The following ADAMTS18 variants were observed in gnomAD, a reference collection of about 807,000 sequenced individuals.
The protein encoded by ADAMTS18 is ADAM metallopeptidase with thrombospondin type 1 motif 18.
Under a neutral mutation model 165.9 loss-of-function variants are expected in ADAMTS18, and 157 were observed. The ratio of observed to expected loss-of-function variants is 0.95; its 90% CI spans 0.83 to 1.08. The LOEUF is 1.08. Ranked by LOEUF, ADAMTS18 falls within the 50% of genes least tolerant of loss-of-function variation. ADAMTS18 has a pLI of 0.00. For missense variants in ADAMTS18, 2,040 were observed against 1,534.0 expected (o/e 1.33, Z -5.51); for synonymous variants, 782 against 578.2 (o/e 1.35, Z -5.06).
rs1185905193 is a variant in ADAMTS18, at chr16:77,362,138, A to C, written c.1183T>G (p.Cys395Gly). The C allele has an allele frequency of 6.2e-7, 1 of 1,614,104 alleles. No homozygotes were observed. The highest frequency in any genetic ancestry group is 8.5e-7 in the Non-Finnish European group (1 of 1,180,008). The change falls in exon 7 of 23, where the codon TGT becomes GGT. Residue 395 changes from cysteine to glycine, a missense_variant. Cys to Gly is a radical substitution (Grantham distance 159). Coordinates refer to ENST00000282849, the MANE Select transcript of ADAMTS18 (RefSeq NM_199355.4). ...TCACATGGTTCATTCTTCCAAGAAC[A>C]AATATCAAATCCTGTTAGTAAGATG... The part of the protein sequence containing the change: ...HAILLTGFDI[C>G]SWKNEPCDTL...
chr16:77,314,649 G>GTGTGTGTGTGTATA (rs10527824), intron 16 of ADAMTS18, among the ~76,000 whole-genome samples: 1,495 of 126,458 alleles, frequency 0.012, 42 homozygotes, highest in African/African-American at 0.044. Flanking sequence ...GTGTGTGTGT[G>GTGTGTGTGTGTATA]TATATATATA....
At chr16:77,309,939 G>A (rs2055750019) in intron 16 of ADAMTS18, among the ~76,000 whole-genome samples, 1 of 152,138 alleles carries the variant, frequency 6.6e-6, no homozygotes, top group African/African-American at 2.4e-5. Context: ...TGCATTTTAG[G>A]AGATCAAATT....
intron 16 of ADAMTS18, among the ~76,000 whole-genome samples, chr16:77,311,772 C>A (rs545967241): frequency 2.7e-5 from 4 of 149,724 alleles, no homozygotes; most frequent in South Asian, 2.1e-4. Context: ...AAAATACAAG[C>A]AAGGCACGTC....
chr16:77,286,720 G>A lies in ADAMTS18; in HGVS notation c.3550+2544C>T, dbSNP rs547368186. ...GGATTCCATGAGGAGCAGCTTATTA[G>A]TATTGAGTGCCTGCTCATCCTTAAC... is the stretch of plus-strand genomic sequence containing the variant. On this transcript the variant is annotated intron_variant, in intron 22 of 22. Coordinates refer to ENST00000282849, the MANE Select transcript of ADAMTS18 (RefSeq NM_199355.4). Among the ~76,000 whole-genome samples the A allele has an allele frequency of 7.9e-5, 12 of 152,230 alleles. No individual in the cohort carries two copies. In the South Asian group the frequency reaches 8.3e-4, roughly 11 times the overall value.
intron 3 of ADAMTS18, among the ~76,000 whole-genome samples, chr16:77,374,396 T>C (rs2056920728): frequency 6.6e-6 from 1 of 152,050 alleles, no homozygotes; most frequent in African/African-American, 2.4e-5. Flanking sequence ...TTCAGTGCAA[T>C]ACCTTAACCT....
At chr16:77,334,768 TATATACTATAGTATACAGTAA>T (rs2056272433) in intron 12 of ADAMTS18, among the ~76,000 whole-genome samples, 2 of 111,176 alleles carry the variant, frequency 1.8e-5, no homozygotes, top group African/African-American at 7.2e-5. Context: ...GTATACAGTA[TATATACTATAGTATACAGTAA>T]ATATACTATA....
At chr16:77,364,855 C>G (rs2056770715) in intron 4 of ADAMTS18, among the ~76,000 whole-genome samples, 1 of 151,996 alleles carries the variant, frequency 6.6e-6, no homozygotes, top group African/African-American at 2.4e-5. Context: ...CCCGTAATCC[C>G]AGCAATTTGA....
intron 16 of ADAMTS18, among the ~76,000 whole-genome samples, chr16:77,307,531 G>T (rs188350425): frequency 6.6e-6 from 1 of 152,260 alleles, no homozygotes; most frequent in Admixed American, 6.5e-5. Context: ...AGTGTAGTGG[G>T]GAGAAATAGT....
intron 3 of ADAMTS18, among the ~76,000 whole-genome samples, chr16:77,424,160 G>A (rs1205666226): frequency 6.6e-6 from 1 of 151,784 alleles, no homozygotes; most frequent in African/African-American, 2.4e-5. Context: ...ATGCCTTAGT[G>A]GTCATACCCG....
At position 77,390,622 on chromosome 16, in the gene ADAMTS18, G is replaced by A. The variant is rs564418247; in HGVS notation, c.496-22899C>T. 3.9e-5 allele frequency among the ~76,000 whole-genome samples: 6 copies of A among 151,910 alleles called. 1 individual carries two copies. The highest frequency in any genetic ancestry group is 4.2e-4 in the South Asian group (2 of 4,790). On this transcript the variant is annotated intron_variant, in intron 3 of 22. Coordinates refer to ENST00000282849, the MANE Select transcript of ADAMTS18 (RefSeq NM_199355.4). ...GGAGAATTGCCTGAACCCGGCAGAC[G>A]GAGGTTGCAGTGAGTGGAGATCGCA...
intron 3 of ADAMTS18, among the ~76,000 whole-genome samples, chr16:77,411,677 ATTTTTTTTTTTTTTTTT>A (rs34453966): frequency 1.4e-5 from 1 of 73,860 alleles, no homozygotes; most frequent in African/African-American, 5.3e-5. Flanking sequence ...AGTATCCAGA[ATTTTTTTTTTTTTTTTT>A]TTTTTTTTTT....
intron 11 of ADAMTS18, among the ~76,000 whole-genome samples, chr16:77,338,953 CAAA>C (rs58380516): frequency 1.8e-4 from 21 of 113,518 alleles, no homozygotes; most frequent in African/African-American, 2.5e-4. Flanking sequence ...GACTCCATCT[CAAA>C]AAAAAAAAAA....
intron 10 of ADAMTS18, among the ~76,000 whole-genome samples, chr16:77,343,426 G>A (rs927063238): frequency 6.6e-6 from 1 of 152,170 alleles, no homozygotes; most frequent in Non-Finnish European, 1.5e-5. Context: ...TAATAAATGT[G>A]TGTTGCCTTA....
chr16:77,385,679 T>C (rs2057096527), intron 3 of ADAMTS18, among the ~76,000 whole-genome samples: 1 of 152,280 alleles, frequency 6.6e-6, no homozygotes, highest in South Asian at 2.1e-4. Context: ...TGTGATTAAG[T>C]ACGCTACGTG....
At position 77,321,061 on chromosome 16, in the gene ADAMTS18, A is replaced by G; in HGVS notation, c.2287+18T>C. 1 of 1,614,152 alleles carries G rather than the reference A, an allele frequency of 6.2e-7. No homozygotes were observed. Among genetic ancestry groups the G allele is most frequent in the Non-Finnish European group, 8.5e-7 (1 of 1,179,992 alleles). On this transcript the variant is annotated intron_variant, in intron 15 of 22. Coordinates refer to ENST00000282849, the MANE Select transcript of ADAMTS18 (RefSeq NM_199355.4). ...AAGTTGTATCTCATTAACAATAACA[A>G]ACAGCAGCATCTCTCACCATTTGCT...
At chr16:77,340,373 C>G (rs1015610462) in intron 11 of ADAMTS18, among the ~76,000 whole-genome samples, 1 of 152,102 alleles carries the variant, frequency 6.6e-6, no homozygotes, top group Admixed American at 6.5e-5. Flanking sequence ...CAAGGTTTCA[C>G]CACGTTGGCC....
At chr16:77,407,496 A>C (rs1186164671) in intron 3 of ADAMTS18, among the ~76,000 whole-genome samples, 2 of 152,152 alleles carry the variant, frequency 1.3e-5, no homozygotes, top group Admixed American at 6.5e-5. Flanking sequence ...TAGTCACGAC[A>C]ATCCAAAAGT....
rs546986301 is a variant in ADAMTS18 at position 77,316,084 on chromosome 16, A to G, written c.2532+3765T>C. ...CTTATACATGTCTAGTAACTTTTCT[A>G]GCTTCCAGTTCTCTACCATAATACA... On this transcript the variant is annotated intron_variant, in intron 16 of 22. Transcript: ENST00000282849. Among the ~76,000 whole-genome samples the G allele has an allele frequency of 8.5e-5, 13 of 152,244 alleles. 1 individual carries two copies. In the East Asian group the frequency reaches 2.5e-3, roughly 29 times the overall value.
chr16:77,347,130 C>G (rs1286372439), intron 10 of ADAMTS18, among the ~76,000 whole-genome samples: 1 of 152,134 alleles, frequency 6.6e-6, no homozygotes, highest in African/African-American at 2.4e-5. Flanking sequence ...GTTCATTCTT[C>G]TTTATTGATG....
Sources: gnomAD v4.1 joint callset for allele counts (sites outside exome capture counted in the v4.1 genomes callset) on GRCh38, gnomAD v4.1.1 for gene constraint, MANE v1.5 for transcripts, NCBI Gene and HGNC (gene_info 2026-07-23, HGNC 2026-07-21) for gene names.